PIEZO2: variants seen among roughly 807,000 people sequenced by gnomAD.
PIEZO2 encodes the protein piezo type mechanosensitive ion channel component 2.
In PIEZO2, 172 loss-of-function variants were observed where a neutral mutation model predicts 337.3. That is an observed-to-expected ratio of 0.51 (90% confidence interval 0.45 to 0.58). The LOEUF (loss-of-function observed/expected upper bound fraction) is 0.58. PIEZO2 is among the 20% of genes least tolerant of loss of function. PIEZO2 has a pLI of 0.00. For synonymous variants in PIEZO2, 1,251 were observed against 1,228.5 expected (o/e 1.02, Z -0.38); for missense variants, 3,028 against 3,391.3 (o/e 0.89, Z 2.66).
chr18:10,716,884 C>T lies in PIEZO2; in HGVS notation c.5090-1068G>A, dbSNP rs568795620. Among the ~76,000 whole-genome samples the T allele has an allele frequency of 5.9e-5, 9 of 152,260 alleles. No individual in the cohort carries two copies. The highest frequency in any genetic ancestry group is 2.1e-4 in the South Asian group (1 of 4,830). ...GAAATGATGAAGGTGAACATTATTACGGCGTGGTTTTGCTACAGTGGGCCT... is the reference window on the plus strand; with the variant it reads ...GAAATGATGAAGGTGAACATTATTATGGCGTGGTTTTGCTACAGTGGGCCT... On this transcript the variant is annotated intron_variant, in intron 37 of 55. Coordinates refer to ENST00000674853, the MANE Select transcript of PIEZO2 (RefSeq NM_001378183.1). This position sits in a 1 kb window ranked among gnomAD's most constrained non-coding sequence, Gnocchi z 4.1.
In PIEZO2 at chr18:11,148,643, T is replaced by C; in HGVS notation, c.-55A>G. 5 of 1,522,212 alleles carry C rather than the reference T, an allele frequency of 3.3e-6. No individual in the cohort carries two copies. The highest frequency in any genetic ancestry group is 4.4e-6 in the Non-Finnish European group (5 of 1,134,662). The allele number at this position is 1,522,212 out of a possible 1,614,324, so 94.3% of individuals were successfully genotyped here. Reference sequence around the variant, plus strand: ...GGCGAGGCTCGAGGGTCCCTAGGGGTGGTGGGACGCAAGGCCCATGCCCGT... The same window carrying C: ...GGCGAGGCTCGAGGGTCCCTAGGGGCGGTGGGACGCAAGGCCCATGCCCGT... On this transcript the variant is annotated 5_prime_UTR_variant, in exon 1 of 56. Coordinates refer to ENST00000674853, the MANE Select transcript of PIEZO2 (RefSeq NM_001378183.1). The surrounding 1 kb of genome is among the most constrained non-coding windows in gnomAD (Gnocchi z 5.2).
intron 8 of PIEZO2, among the ~76,000 whole-genome samples, chr18:10,804,834 A>G (rs2039945475): frequency 6.6e-6 from 1 of 152,196 alleles, no homozygotes; most frequent in Non-Finnish European, 1.5e-5. Flanking sequence ...GAACTATGAT[A>G]TAATCAGCTT....
chr18:11,142,067 CA>C (rs1302847807), intron 1 of PIEZO2, among the ~76,000 whole-genome samples: 10 of 152,138 alleles, frequency 6.6e-5, no homozygotes, highest in African/African-American at 2.4e-4. Flanking sequence ...CAGTACGGCA[CA>C]AAAGGGGAAT....
intron 1 of PIEZO2, among the ~76,000 whole-genome samples, chr18:11,107,187 C>T (rs2039595026): frequency 6.6e-6 from 1 of 152,022 alleles, no homozygotes; most frequent in South Asian, 2.1e-4. Flanking sequence ...CGATATTATC[C>T]CGTAGGGTTG....
chr18:11,011,700 C>T (rs965394167), intron 2 of PIEZO2, among the ~76,000 whole-genome samples: 1 of 152,198 alleles, frequency 6.6e-6, no homozygotes, highest in African/African-American at 2.4e-5. Context: ...AGACCCACAA[C>T]CTGGAGAACC....
At position 10,929,674 on chromosome 18, in the gene PIEZO2, A is replaced by G. The variant is rs2031965477; in HGVS notation, c.287-18446T>C. The stretch of plus-strand genomic sequence containing the variant: ...CCTCTCCCATAACTTAGTCTTTTAC[A>G]GTGTTTAATGGAGTTTGATACAATA... On this transcript the variant is annotated intron_variant, in intron 3 of 55. Coordinates refer to ENST00000674853, the MANE Select transcript of PIEZO2 (RefSeq NM_001378183.1). The surrounding 1 kb of genome is among the most constrained non-coding windows in gnomAD (Gnocchi z 5.6). Among the ~76,000 whole-genome samples the G allele has an allele frequency of 6.6e-6, 1 of 152,200 alleles. No individual in the cohort carries two copies. Among genetic ancestry groups the G allele is most frequent in the Admixed American group, 6.5e-5 (1 of 15,282 alleles).
chr18:11,145,434 T>C (rs1186289752), intron 1 of PIEZO2, among the ~76,000 whole-genome samples: 2 of 152,188 alleles, frequency 1.3e-5, no homozygotes, highest in East Asian at 1.9e-4. Context: ...GTAAAAACAC[T>C]AGGAATCTCT....
At position 10,833,818 on chromosome 18, in the gene PIEZO2, C is replaced by G. The variant is rs74526947; in HGVS notation, c.917+21535G>C. On this transcript the variant is annotated intron_variant, in intron 7 of 55. Transcript: ENST00000674853. The surrounding 1 kb of genome is among the most constrained non-coding windows in gnomAD (Gnocchi z 4.7). ...ATCTGCAAATCCTTTGTTTAAAAAA[C>G]GCATTAGGCTGCCCTTTCCCTGAAG... 1.6e-4 allele frequency among the ~76,000 whole-genome samples: 25 copies of G among 152,332 alleles called. No homozygotes were observed. Among genetic ancestry groups the G allele is most frequent in the African/African-American group, 5.5e-4 (23 of 41,576 alleles).
intron 2 of PIEZO2, among the ~76,000 whole-genome samples, chr18:11,000,355 T>C (rs1414137092): frequency 6.6e-6 from 1 of 152,182 alleles, no homozygotes; most frequent in African/African-American, 2.4e-5. Flanking sequence ...TCCTTTTCCC[T>C]CCCATTTGGA....
In PIEZO2 at chr18:11,015,247, C is replaced by T. The variant is rs1042668673; in HGVS notation, c.161-35587G>A. 1.1e-4 allele frequency among the ~76,000 whole-genome samples: 16 copies of T among 151,852 alleles called. No homozygotes were observed. The East Asian group carries it at 1.4e-3, about 13-fold the overall frequency. ...ATTCCTCAGTGTGGGGAAGATGTCA[C>T]CCTGGGTGGGACAGCAATCCAGGGC... On this transcript the variant is annotated intron_variant, in intron 2 of 55. Transcript: ENST00000674853.
chr18:11,043,215 A>G (rs1176836067), intron 2 of PIEZO2, among the ~76,000 whole-genome samples: 4 of 149,380 alleles, frequency 2.7e-5, no homozygotes, highest in Non-Finnish European at 4.4e-5. Context: ...TGATTTGAAA[A>G]AAGAGGAAAT....
At position 10,807,135 on chromosome 18, in the gene PIEZO2, G is replaced by C; in HGVS notation, c.1057C>G (p.Arg353Gly). The C allele has an allele frequency of 6.5e-7, 1 of 1,536,632 alleles. No homozygotes were observed. Among genetic ancestry groups the C allele is most frequent in the Non-Finnish European group, 8.7e-7 (1 of 1,146,632 alleles). Residue 353 changes from arginine (R) to glycine (G), a missense_variant, in exon 8 of 56, where the codon CGC becomes GGC. Arg to Gly is a moderately radical substitution (Grantham distance 125). Transcript: ENST00000674853. Reference sequence around the variant, plus strand: ...ACAAGGGGCTCTTGCAGCCAGATGCGGATCAGAGTGGCCAGAGTGTAGTAC... The same window carrying C: ...ACAAGGGGCTCTTGCAGCCAGATGCCGATCAGAGTGGCCAGAGTGTAGTAC... ...VMYYTLATLIRIWLQEPLVQD... is the reference protein window; with the variant it reads ...VMYYTLATLIGIWLQEPLVQD...
chr18:10,923,125 T>C (rs2031527042), intron 3 of PIEZO2, among the ~76,000 whole-genome samples: 1 of 152,056 alleles, frequency 6.6e-6, no homozygotes, highest in Non-Finnish European at 1.5e-5. Context: ...TGAATAGGAG[T>C]TTCCTGCACC....
Position 11,032,479 on chromosome 18 carries a change from G to A in PIEZO2, c.160+33648C>T, listed in dbSNP as rs1274596649. Among the ~76,000 whole-genome samples, 8 of 152,168 alleles carry A rather than the reference G, an allele frequency of 5.3e-5. No homozygotes were observed. Among genetic ancestry groups the A allele is most frequent in the East Asian group, 1.9e-4 (1 of 5,194 alleles). ...ACGGAGCTATTCTTGGCATGCTCTCGAGTAAGTGTAAATGTGTTAGCCAGT... is the reference window on the plus strand; with the variant it reads ...ACGGAGCTATTCTTGGCATGCTCTCAAGTAAGTGTAAATGTGTTAGCCAGT... On this transcript the variant is annotated intron_variant, in intron 2 of 55. Coordinates refer to ENST00000674853, the MANE Select transcript of PIEZO2 (RefSeq NM_001378183.1). This position sits in a 1 kb window ranked among gnomAD's most constrained non-coding sequence, Gnocchi z 4.9.
chr18:10,728,113 A>G (rs2036614696), intron 36 of PIEZO2: 1 of 152,680 alleles, frequency 6.5e-6, no homozygotes, highest in Non-Finnish European at 1.5e-5. Flanking sequence ...AAAATGTGAA[A>G]TAAAAATGCT....
chr18:10,704,190 A>G, intron 42 of PIEZO2: 2 of 683,228 alleles, frequency 2.9e-6, no homozygotes, highest in Non-Finnish European at 4.8e-6. Flanking sequence ...TGCAGTGTGA[A>G]AAGATTTTTA....
chr18:10,767,570 G>A lies in PIEZO2; in HGVS notation c.2946+2578C>T, dbSNP rs2038416928. Among the ~76,000 whole-genome samples the A allele has an allele frequency of 6.6e-6, 1 of 152,184 alleles. No homozygotes were observed. The highest frequency in any genetic ancestry group is 6.5e-5 in the Admixed American group (1 of 15,276). Reference sequence around the variant, plus strand: ...CCGAGTGAGGAGCTAATGACTCGGAGCCCGATGCGTGAACCCTGGAGCTTG... The same window carrying A: ...CCGAGTGAGGAGCTAATGACTCGGAACCCGATGCGTGAACCCTGGAGCTTG... On this transcript the variant is annotated intron_variant, in intron 21 of 55. Transcript: ENST00000674853. The surrounding 1 kb of genome is among the most constrained non-coding windows in gnomAD (Gnocchi z 4.2).
intron 3 of PIEZO2, among the ~76,000 whole-genome samples, chr18:10,944,511 G>C (rs1244599894): frequency 5.3e-5 from 1 of 18,852 alleles, no homozygotes; most frequent in Non-Finnish European, 1.1e-4. Flanking sequence ...ATATATCTTA[G>C]TAACAGATAT....
At chr18:10,705,014 A>G (rs2035515193) in intron 41 of PIEZO2, among the ~76,000 whole-genome samples, 1 of 152,068 alleles carries the variant, frequency 6.6e-6, no homozygotes, top group African/African-American at 2.4e-5. Context: ...ATTTCTCCAA[A>G]TTACTGATTT....
Sources: gnomAD v4.1 joint callset for allele counts (sites outside exome capture counted in the v4.1 genomes callset) on GRCh38, gnomAD v4.1.1 for gene constraint, Gnocchi (gnomAD v3.1) non-coding constraint, MANE v1.5 for transcripts, NCBI Gene and HGNC (gene_info 2026-07-23, HGNC 2026-07-21) for gene names.